Variants in ARHGEF33 observed in about 807,000 individuals in gnomAD.
ARHGEF33 encodes Rho guanine nucleotide exchange factor 33, also known as DH and coiled-coil domain-containing protein ENSP00000381780.
Under a neutral mutation model 101.9 loss-of-function variants are expected in ARHGEF33, and 72 were observed. The ratio of observed to expected loss-of-function variants is 0.71; its 90% CI spans 0.58 to 0.86. The LOEUF (loss-of-function observed/expected upper bound fraction) is 0.86. Ranked by LOEUF, ARHGEF33 falls within the 40% of genes least tolerant of loss-of-function variation. ARHGEF33 has a pLI of 0.00. For synonymous variants in ARHGEF33, 499 were observed against 442.5 expected (o/e 1.13, Z -1.60); for missense variants, 1,169 against 1,111.3 (o/e 1.05, Z -0.74).
chr2:38,891,518 CA>C (rs1300122273), intron 1 of ARHGEF33, among the ~76,000 whole-genome samples: 1 of 151,900 alleles, frequency 6.6e-6, no homozygotes, highest in Non-Finnish European at 1.5e-5. Context: ...AGTAAAATCA[CA>C]CAAAATTTTG....
intron 9 of ARHGEF33, among the ~76,000 whole-genome samples, chr2:38,941,367 T>C (rs1473024098): frequency 6.6e-6 from 1 of 152,170 alleles, no homozygotes; most frequent in Non-Finnish European, 1.5e-5. Flanking sequence ...CAGATTTCTC[T>C]TGCGGTCATA....
At chr2:38,934,346 C>A (rs1667076984) in intron 7 of ARHGEF33, among the ~76,000 whole-genome samples, 1 of 152,180 alleles carries the variant, frequency 6.6e-6, no homozygotes, top group African/African-American at 2.4e-5. Flanking sequence ...TTTTAACTTG[C>A]CTCTGCTTTT....
intron 16 of ARHGEF33, among the ~76,000 whole-genome samples, chr2:38,961,664 G>T (rs1191829013): frequency 6.6e-6 from 1 of 152,078 alleles, no homozygotes; most frequent in Admixed American, 6.6e-5. Flanking sequence ...TGTGCTAATT[G>T]CTGAAAATTC....
At chr2:38,912,863 G>A (rs1179356537) in intron 2 of ARHGEF33, among the ~76,000 whole-genome samples, 4 of 151,946 alleles carry the variant, frequency 2.6e-5, no homozygotes, top group Non-Finnish European at 5.9e-5. Context: ...CTAGAAAATG[G>A]GGATAATGAT....
chr2:38,953,969 C>T (rs75060550), intron 12 of ARHGEF33, among the ~76,000 whole-genome samples: 20 of 152,322 alleles, frequency 1.3e-4, no homozygotes, highest in South Asian at 6.2e-4. Flanking sequence ...TAATGACACT[C>T]CCTTTTCCAT....
At chr2:38,936,159 A>G (rs1667124769) in intron 8 of ARHGEF33, among the ~76,000 whole-genome samples, 1 of 152,264 alleles carries the variant, frequency 6.6e-6, no homozygotes, top group South Asian at 2.1e-4. Flanking sequence ...TGGATCACAC[A>G]CTGTATAGTT....
chr2:38,895,570 C>T (rs1001000176), intron 1 of ARHGEF33, among the ~76,000 whole-genome samples: 10 of 152,044 alleles, frequency 6.6e-5, no homozygotes, highest in African/African-American at 2.2e-4. Flanking sequence ...TTGCTCAATA[C>T]CAAGTGACTT....
At chr2:38,908,241 C>A (rs1666437506) in intron 2 of ARHGEF33, among the ~76,000 whole-genome samples, 1 of 151,978 alleles carries the variant, frequency 6.6e-6, no homozygotes, top group African/African-American at 2.4e-5. Context: ...TAAAGAGAGT[C>A]AAGTCAGGAT....
chr2:38,936,123 G>A (rs1667123897), intron 8 of ARHGEF33, among the ~76,000 whole-genome samples: 1 of 152,172 alleles, frequency 6.6e-6, no homozygotes, highest in Non-Finnish European at 1.5e-5. Flanking sequence ...ACTTGCAGGT[G>A]AATGTAGCAT....
chr2:38,954,404 C>T lies in ARHGEF33; in HGVS notation c.1169C>T (p.Thr390Met), dbSNP rs1201933128. 2.1e-5 allele frequency: 32 copies of T among 1,550,384 alleles called. No homozygotes were observed. Among genetic ancestry groups the T allele is most frequent in the Non-Finnish European group, 2.6e-5 (30 of 1,145,932 alleles). ...GAAGAGATTAAATCTGACATCTACACGTTGTTTTTTCACATAGTCCAGCGC... is the reference window on the plus strand; with the variant it reads ...GAAGAGATTAAATCTGACATCTACATGTTGTTTTTTCACATAGTCCAGCGC... ...GDEEIKSDIY[T>M]LFFHIVQRIP... is the part of the protein sequence containing the mutation. Residue 390 changes from threonine (T) to methionine (M), a missense_variant, in exon 13 of 18, where the codon ACG becomes ATG. Transcript: ENST00000409978.
At chr2:38,951,971 G>A (rs1473515761) in intron 11 of ARHGEF33, among the ~76,000 whole-genome samples, 1 of 152,214 alleles carries the variant, frequency 6.6e-6, no homozygotes, top group Non-Finnish European at 1.5e-5. Context: ...ATGGACTGGT[G>A]TGAAGTGTGA....
In ARHGEF33 at chr2:38,973,878, T is replaced by G; in HGVS notation, c.*35T>G. The G allele has an allele frequency of 6.6e-7, 1 of 1,514,684 alleles. No individual in the cohort carries two copies. The highest frequency in any genetic ancestry group is 8.9e-7 in the Non-Finnish European group (1 of 1,129,592). The allele number at this position is 1,514,684 out of a possible 1,614,324, so 93.8% of individuals were successfully genotyped here. On this transcript the variant is annotated 3_prime_UTR_variant, in exon 18 of 18. Coordinates refer to ENST00000409978, the MANE Select transcript of ARHGEF33 (RefSeq NM_001145451.5). ...AAAGTTGTATTGTCAAGTGGTAAGA[T>G]GAGGATAAAAAGCTTGTATATATCT...
At chr2:38,970,707 CTA>C (rs1668147962) in intron 17 of ARHGEF33, among the ~76,000 whole-genome samples, 1 of 152,156 alleles carries the variant, frequency 6.6e-6, no homozygotes, top group African/African-American at 2.4e-5. Context: ...GATAACCTAA[CTA>C]TTGATACAAG....
chr2:38,964,958 C>T (rs1668021766), intron 16 of ARHGEF33, among the ~76,000 whole-genome samples: 1 of 152,052 alleles, frequency 6.6e-6, no homozygotes, highest in African/African-American at 2.4e-5. Context: ...GCATGTCTAG[C>T]TCCATGGTCT....
At chr2:38,893,851 C>A (rs555209840) in intron 1 of ARHGEF33, among the ~76,000 whole-genome samples, 1 of 152,270 alleles carries the variant, frequency 6.6e-6, no homozygotes, top group African/African-American at 2.4e-5. Context: ...AGGTTTCTAT[C>A]TGAAGAGCTC....
chr2:38,951,804 C>T (rs1667614214), intron 11 of ARHGEF33, among the ~76,000 whole-genome samples: 1 of 151,920 alleles, frequency 6.6e-6, no homozygotes, highest in African/African-American at 2.4e-5. Context: ...AATTTTCATT[C>T]CTTGGAGATT....
At chr2:38,964,749 C>G (rs1668017686) in intron 16 of ARHGEF33, among the ~76,000 whole-genome samples, 1 of 152,084 alleles carries the variant, frequency 6.6e-6, no homozygotes, top group Admixed American at 6.5e-5. Context: ...CAGTTCCTAA[C>G]AGGTCACAGA....
At chr2:38,942,164 C>A (rs1235592411) in intron 9 of ARHGEF33, among the ~76,000 whole-genome samples, 1 of 107,332 alleles carries the variant, frequency 9.3e-6, no homozygotes, top group Non-Finnish European at 1.8e-5. Flanking sequence ...TCTCTCCTTT[C>A]TTTTTTTTTT....
At chr2:38,903,793 T>C (rs965181128) in intron 2 of ARHGEF33, among the ~76,000 whole-genome samples, 3 of 152,232 alleles carry the variant, frequency 2.0e-5, no homozygotes, top group African/African-American at 7.2e-5. Flanking sequence ...CTGGATTTTC[T>C]TCTACCAATT....
Sources: gnomAD v4.1 joint callset for allele counts (sites outside exome capture counted in the v4.1 genomes callset) on GRCh38, gnomAD v4.1.1 for gene constraint, MANE v1.5 for transcripts, NCBI Gene and HGNC (gene_info 2026-07-23, HGNC 2026-07-21) for gene names.